Variants in CDH2 observed in about 807,000 individuals in gnomAD.
CDH2 encodes the protein cadherin 2.
CDH2 carries 17 observed loss-of-function variants against 92.0 expected under a neutral mutation model. The observed-to-expected ratio is 0.18, with a 90% confidence interval of 0.13 to 0.28. CDH2 has a LOEUF of 0.28. CDH2 is among the 10% of genes least tolerant of loss of function. The pLI is 1.00. For missense variants in CDH2, 862 were observed against 1,133.1 expected, an observed-to-expected ratio of 0.76 and a Z score of 3.44; for synonymous variants, 419 against 415.9, an observed-to-expected ratio of 1.01 and a Z score of -0.09.
chr18:27,972,021 T>TC (rs1452455421), intron 14 of CDH2, among the ~76,000 whole-genome samples: 1 of 152,146 alleles, frequency 6.6e-6, no homozygotes, highest in African/African-American at 2.4e-5. Flanking sequence ...TCCACAGAGA[T>TC]CCCCTGGCTC....
chr18:28,112,085 T>C (rs911610674), intron 2 of CDH2, among the ~76,000 whole-genome samples: 3 of 152,156 alleles, frequency 2.0e-5, no homozygotes, highest in Non-Finnish European at 2.9e-5. Context: ...AACAGTTAGA[T>C]ATATTTAGCA....
At chr18:28,144,527 T>C (rs1221077790) in intron 2 of CDH2, among the ~76,000 whole-genome samples, 1 of 151,992 alleles carries the variant, frequency 6.6e-6, no homozygotes, top group African/African-American at 2.4e-5. Flanking sequence ...CCCTTTGACC[T>C]AGTAATTCTA....
chr18:27,963,654 T>C (rs537514614), intron 14 of CDH2, 133 bp from the exon 15 acceptor site: 3 of 684,706 alleles, frequency 4.4e-6, no homozygotes, highest in Admixed American at 2.8e-5. Flanking sequence ...GTTGCCACTA[T>C]GAGTTTTTCA....
At chr18:28,139,391 C>A (rs1419776700) in intron 2 of CDH2, among the ~76,000 whole-genome samples, 1 of 151,978 alleles carries the variant, frequency 6.6e-6, no homozygotes, top group Non-Finnish European at 1.5e-5. Flanking sequence ...CTTCTCTTAC[C>A]AACTACCACC....
intron 14 of CDH2, among the ~76,000 whole-genome samples, chr18:27,974,116 T>C (rs952500731): frequency 6.6e-6 from 1 of 152,210 alleles, no homozygotes; most frequent in African/African-American, 2.4e-5. Context: ...TCTCTCTCTT[T>C]TTTTCTCTCT....
chr18:27,972,161 A>T (rs1033906397), intron 14 of CDH2, among the ~76,000 whole-genome samples: 1 of 151,492 alleles, frequency 6.6e-6, no homozygotes, highest in Non-Finnish European at 1.5e-5. Context: ...GTATACTCAG[A>T]TTTTTTTTTA....
intron 2 of CDH2, among the ~76,000 whole-genome samples, chr18:28,076,469 A>G (rs1392369094): frequency 6.6e-6 from 1 of 152,170 alleles, no homozygotes; most frequent in East Asian, 1.9e-4. Flanking sequence ...TAATTCATAT[A>G]AAGGTTTTAG....
At chr18:28,135,794 C>A (rs1315639443) in intron 2 of CDH2, among the ~76,000 whole-genome samples, 2 of 152,072 alleles carry the variant, frequency 1.3e-5, no homozygotes, top group Admixed American at 1.3e-4. Flanking sequence ...AGATTTTTCT[C>A]TGGTCATTTC....
chr18:27,950,709 G>A (rs1244774151), downstream of CDH2, among the ~76,000 whole-genome samples: 1 of 152,110 alleles, frequency 6.6e-6, no homozygotes, highest in Non-Finnish European at 1.5e-5. Flanking sequence ...GAAGTTCACT[G>A]AAGGTAAAGG....
chr18:28,069,662 T>C (rs1282637149), intron 2 of CDH2, among the ~76,000 whole-genome samples: 1 of 152,156 alleles, frequency 6.6e-6, no homozygotes, highest in Admixed American at 6.6e-5. Context: ...CCCAGACTTG[T>C]TTGATACCTG....
chr18:27,965,361 G>A (rs1226228256), intron 14 of CDH2, among the ~76,000 whole-genome samples: 1 of 152,226 alleles, frequency 6.6e-6, no homozygotes, highest in East Asian at 1.9e-4. Flanking sequence ...AGCGAGGTAG[G>A]TATAGAGACT....
chr18:28,153,256 A>G (rs1264095362), intron 1 of CDH2, among the ~76,000 whole-genome samples: 1 of 152,028 alleles, frequency 6.6e-6, no homozygotes, highest in Non-Finnish European at 1.5e-5. Flanking sequence ...CACCAAAACC[A>G]TCCTGATCTT....
At chr18:28,159,210 G>A (rs528817490) in intron 1 of CDH2, 7 of 152,264 alleles carry the variant, frequency 4.6e-5, no homozygotes, top group East Asian at 1.9e-4. Context: ...CCCCTACTCC[G>A]CCCATCTGGG....
intron 2 of CDH2, among the ~76,000 whole-genome samples, chr18:28,052,917 A>G (rs757979824): frequency 1.2e-3 from 180 of 152,268 alleles, no homozygotes; most frequent in Non-Finnish European, 2.1e-3. Flanking sequence ...ATATTTGGAG[A>G]TAAGTCATTT....
intron 2 of CDH2, among the ~76,000 whole-genome samples, chr18:28,082,326 A>C (rs1264048486): frequency 6.6e-6 from 1 of 152,106 alleles, no homozygotes; most frequent in Non-Finnish European, 1.5e-5. Context: ...TGGGAGGATC[A>C]CTTGAGCCCC....
intron 2 of CDH2, among the ~76,000 whole-genome samples, chr18:28,041,744 T>C (rs563416878): frequency 6.6e-6 from 1 of 152,216 alleles, no homozygotes; most frequent in Admixed American, 6.5e-5. Flanking sequence ...AGAGGACTTA[T>C]GTTCTACCTA....
rs879932842 is a variant in CDH2, at chr18:27,972,706, C to A, written c.2350-9185G>T. On this transcript the variant is annotated intron_variant, in intron 14 of 15. Coordinates refer to ENST00000269141, the MANE Select transcript of CDH2 (RefSeq NM_001792.5). ...GTTAGAAATTCAGGAAGAGGGCCCA[C>A]AGCAGTTCAACTAACATTCTATGAG... 1.6e-4 allele frequency among the ~76,000 whole-genome samples: 24 copies of A among 152,292 alleles called. 2 individuals carry two copies. Among genetic ancestry groups the A allele is most frequent in the Admixed American group, 1.5e-3 (23 of 15,284 alleles).
chr18:27,970,231 T>G (rs2011623571), intron 14 of CDH2, among the ~76,000 whole-genome samples: 1 of 152,172 alleles, frequency 6.6e-6, no homozygotes, highest in African/African-American at 2.4e-5. Context: ...AACACATTTC[T>G]TAACCCTTCC....
chr18:28,022,929 T>C (rs1176814981), intron 2 of CDH2, among the ~76,000 whole-genome samples: 1 of 152,162 alleles, frequency 6.6e-6, no homozygotes, highest in Admixed American at 6.6e-5. Context: ...TGCTCCAAAA[T>C]GTCTGGTAAG....
Sources: gnomAD v4.1 joint callset for allele counts (sites outside exome capture counted in the v4.1 genomes callset) on GRCh38, gnomAD v4.1.1 for gene constraint, MANE v1.5 for transcripts, NCBI Gene and HGNC (gene_info 2026-07-23, HGNC 2026-07-21) for gene names.